The following ROBO2 variants were observed in gnomAD, a reference collection of about 807,000 sequenced individuals.
ROBO2 encodes roundabout homolog 2.
Under a neutral mutation model 160.8 loss-of-function variants are expected in ROBO2, and 53 were observed. The observed-to-expected ratio is 0.33, with a 90% CI of 0.26 to 0.41. The LOEUF is 0.41. ROBO2 is among the 10% of genes least tolerant of loss of function. The probability of loss-of-function intolerance (pLI) is 1.00; values close to 1 mark genes in which losing one functional copy is unlikely to be tolerated. For synonymous variants in ROBO2, 664 were observed against 611.7 expected (o/e 1.09, Z -1.26); for missense variants, 1,577 against 1,722.4 (o/e 0.92, Z 1.49).
intron 2 of ROBO2, among the ~76,000 whole-genome samples, chr3:76,606,904 T>C (rs1204952261): frequency 6.6e-6 from 1 of 152,156 alleles, no homozygotes; most frequent in Non-Finnish European, 1.5e-5. Flanking sequence ...TTTTGAGTTC[T>C]TATATATGCT....
intron 1 of ROBO2, among the ~76,000 whole-genome samples, chr3:77,046,669 G>A (rs1578496906): frequency 1.3e-5 from 2 of 152,294 alleles, no homozygotes; most frequent in East Asian, 3.9e-4. Flanking sequence ...TTCTGCCTAT[G>A]AGAGACTGTT....
At chr3:76,679,598 A>T (rs1372501510) in intron 2 of ROBO2, among the ~76,000 whole-genome samples, 1 of 152,148 alleles carries the variant, frequency 6.6e-6, no homozygotes, top group African/African-American at 2.4e-5. Context: ...TTTTTTCCTT[A>T]GGAAACTTAC....
chr3:76,031,610 A>G (rs1172313187), intron 2 of ROBO2, among the ~76,000 whole-genome samples: 2 of 152,134 alleles, frequency 1.3e-5, no homozygotes, highest in Admixed American at 6.5e-5. Context: ...TTCTGAATCT[A>G]TTGAGATAAT....
At chr3:77,307,328 T>G (rs2063179018) in intron 2 of ROBO2, among the ~76,000 whole-genome samples, 1 of 152,212 alleles carries the variant, frequency 6.6e-6, no homozygotes, top group Admixed American at 6.5e-5. Context: ...AATTATACAT[T>G]AGATAATGTT....
intron 2 of ROBO2, among the ~76,000 whole-genome samples, chr3:76,636,026 T>A (rs950111875): frequency 2.0e-5 from 3 of 152,204 alleles, no homozygotes; most frequent in Non-Finnish European, 4.4e-5. Context: ...CAGGTTACAT[T>A]TGAGACTTAA....
intron 2 of ROBO2, among the ~76,000 whole-genome samples, chr3:76,933,292 C>T (rs1401578480): frequency 6.6e-6 from 1 of 152,150 alleles, no homozygotes; most frequent in South Asian, 2.1e-4. Context: ...TACTAGTTAT[C>T]CTATCATGCC....
intron 2 of ROBO2, among the ~76,000 whole-genome samples, chr3:76,637,423 TAA>T (rs58418609): frequency 4.2e-5 from 6 of 141,534 alleles, no homozygotes; most frequent in East Asian, 2.1e-4. Context: ...GTTCTAGAAA[TAA>T]AAAAAAAAAT....
intron 2 of ROBO2, among the ~76,000 whole-genome samples, chr3:76,498,254 T>G (rs2080262056): frequency 6.6e-6 from 1 of 152,210 alleles, no homozygotes; most frequent in Non-Finnish European, 1.5e-5. Flanking sequence ...TTGTATGATG[T>G]TCTACCAGGC....
intron 2 of ROBO2, among the ~76,000 whole-genome samples, chr3:76,807,376 T>A (rs965145881): frequency 6.6e-6 from 1 of 152,076 alleles, no homozygotes; most frequent in Non-Finnish European, 1.5e-5. Context: ...CAAATATCTC[T>A]TTATAAATGC....
intron 2 of ROBO2, among the ~76,000 whole-genome samples, chr3:76,431,593 T>C (rs908698082): frequency 6.6e-6 from 1 of 152,030 alleles, no homozygotes; most frequent in Non-Finnish European, 1.5e-5. Flanking sequence ...AAGATAATCT[T>C]TCGTATAAAC....
intron 2 of ROBO2, among the ~76,000 whole-genome samples, chr3:76,106,593 C>G (rs1053173110): frequency 1.3e-5 from 2 of 152,022 alleles, no homozygotes; most frequent in Non-Finnish European, 2.9e-5. Flanking sequence ...TAAATTTACT[C>G]TCTTCCATGG....
At chr3:77,098,099 T>C in exon 2 of ROBO2, 1 of 1,613,650 alleles carries the variant, frequency 6.2e-7, no homozygotes, top group Non-Finnish European at 8.5e-7. Flanking sequence ...AGCCCACGAC[T>C]CTGAACTGCA....
At chr3:76,586,526 A>G (rs1311759098) in intron 2 of ROBO2, among the ~76,000 whole-genome samples, 1 of 152,204 alleles carries the variant, frequency 6.6e-6, no homozygotes, top group Non-Finnish European at 1.5e-5. Context: ...TTGTAGCCAT[A>G]TTTAAAATGA....
chr3:76,335,811 T>C (rs1035391452), intron 2 of ROBO2, among the ~76,000 whole-genome samples: 3 of 151,768 alleles, frequency 2.0e-5, no homozygotes, highest in African/African-American at 7.3e-5. Flanking sequence ...CTCCTGACCT[T>C]GTGATCCGCC....
chr3:77,561,181 A>G (rs917499891), intron 9 of ROBO2, among the ~76,000 whole-genome samples: 1 of 152,208 alleles, frequency 6.6e-6, no homozygotes, highest in Non-Finnish European at 1.5e-5. Context: ...CCAGGCACTA[A>G]TGATTTACCT....
At chr3:76,704,648 C>G (rs2093121410) in intron 2 of ROBO2, among the ~76,000 whole-genome samples, 1 of 152,112 alleles carries the variant, frequency 6.6e-6, no homozygotes, top group East Asian at 1.9e-4. Context: ...AAGGAACCCA[C>G]TACTGCAGAT....
chr3:76,842,447 C>G (rs1255265040), intron 2 of ROBO2, among the ~76,000 whole-genome samples: 1 of 152,154 alleles, frequency 6.6e-6, no homozygotes, highest in Non-Finnish European at 1.5e-5. Context: ...AGTGGAAAGA[C>G]CAAGAACTGT....
At chr3:76,570,978 T>C (rs928019482) in intron 2 of ROBO2, among the ~76,000 whole-genome samples, 8 of 152,278 alleles carry the variant, frequency 5.3e-5, no homozygotes, top group African/African-American at 1.9e-4. Flanking sequence ...AGAAAAAATG[T>C]TCTAAAACTT....
intron 2 of ROBO2, among the ~76,000 whole-genome samples, chr3:76,320,598 C>T (rs1006117770): frequency 2.0e-5 from 3 of 152,178 alleles, no homozygotes; most frequent in Non-Finnish European, 2.9e-5. Flanking sequence ...TAATAGTTGG[C>T]AGCTAATAAA....
Sources: gnomAD v4.1 joint callset for allele counts (sites outside exome capture counted in the v4.1 genomes callset) on GRCh38, gnomAD v4.1.1 for gene constraint, MANE v1.5 for transcripts, NCBI Gene and HGNC (gene_info 2026-07-23, HGNC 2026-07-21) for gene names.